EMC8: variants seen among roughly 807,000 people sequenced by gnomAD.
The protein encoded by EMC8 is ER membrane protein complex subunit 8, also known as COX4 neighbor.
Under a neutral mutation model 24.3 loss-of-function variants are expected in EMC8, and 11 were observed. The ratio of observed to expected loss-of-function variants is 0.45; its 90% confidence interval spans 0.28 to 0.75. EMC8 has a LOEUF of 0.75. Among genes scored for constraint, EMC8 ranks in the 30% least tolerant of loss-of-function variants. The pLI is 0.12. For missense variants in EMC8, 277 were observed against 282.7 expected (o/e 0.98, Z 0.14); for synonymous variants, 145 against 117.7 (o/e 1.23, Z -1.50).
chr16:85,779,705 T>C lies in EMC8; in HGVS notation c.*3A>G. The C allele has an allele frequency of 6.2e-7, 1 of 1,613,930 alleles. No individual in the cohort carries two copies. Among genetic ancestry groups the C allele is most frequent in the Non-Finnish European group, 8.5e-7 (1 of 1,179,762 alleles). ...CCCGGAGCCCAGTCACAGCGGTGCC[T>C]GCCTAGCACAAGTGTAGGACAGCTT... On this transcript the variant is annotated 3_prime_UTR_variant, in exon 5 of 5. Transcript: ENST00000253457.
At chr16:85,797,377 C>T (rs565037314) in intron 1 of EMC8, among the ~76,000 whole-genome samples, 18 of 152,244 alleles carry the variant, frequency 1.2e-4, no homozygotes, top group African/African-American at 3.1e-4. Context: ...CATTGCACTC[C>T]AGGCTGGGTG....
chr16:85,779,268 G>C lies in EMC8; in HGVS notation c.*440C>G. The C allele has an allele frequency of 6.1e-6, 1 of 164,744 alleles. No individual in the cohort carries two copies. Among genetic ancestry groups the C allele is most frequent in the Admixed American group, 5.7e-5 (1 of 17,590 alleles). 10.2% of individuals were successfully genotyped at this position (164,744 alleles called of 1,614,324 possible). A position where few individuals can be genotyped will look rare whatever the true frequency, so the allele number is the denominator to read the frequency against. The stretch of plus-strand genomic sequence containing the variant: ...GTCTACCCTGATCCCAGGACGCCTG[G>C]ACGACATCAAAATTCAAACAGGATA... On this transcript the variant is annotated 3_prime_UTR_variant, in exon 5 of 5. Coordinates refer to ENST00000253457, the MANE Select transcript of EMC8 (RefSeq NM_006067.5).
At chr16:85,796,612 C>G (rs746459799) in intron 1 of EMC8, among the ~76,000 whole-genome samples, 2 of 152,234 alleles carry the variant, frequency 1.3e-5, no homozygotes, top group Non-Finnish European at 2.9e-5. Flanking sequence ...CCACTCAACT[C>G]TCTCTGCCCG....
At chr16:85,789,381 G>A (rs1348741998) in intron 1 of EMC8, among the ~76,000 whole-genome samples, 1 of 152,142 alleles carries the variant, frequency 6.6e-6, no homozygotes, top group Non-Finnish European at 1.5e-5. Context: ...CTTTAGAAAT[G>A]CTTAAAATTA....
At chr16:85,786,962 C>A (rs1202240906) in intron 2 of EMC8, among the ~76,000 whole-genome samples, 1 of 152,196 alleles carries the variant, frequency 6.6e-6, no homozygotes, top group Non-Finnish European at 1.5e-5. Flanking sequence ...CCCCTGCCCT[C>A]ATCTGACAAC....
rs1244414663 is a variant in EMC8, at chr16:85,778,678, A to T, written c.*1030T>A. On this transcript the variant is annotated 3_prime_UTR_variant, in exon 5 of 5. Coordinates refer to ENST00000253457, the MANE Select transcript of EMC8 (RefSeq NM_006067.5). ...GTAGCGATGTCTGAACTTTTTTCCT[A>T]TGTGTTAAGAGAAAATAGTGACCGC... 1 of 152,194 alleles carries T rather than the reference A, an allele frequency of 6.6e-6. No individual in the cohort carries two copies. 9.4% of individuals were successfully genotyped at this position (152,194 alleles called of 1,614,324 possible).
intron 1 of EMC8, among the ~76,000 whole-genome samples, chr16:85,790,582 G>C (rs1287460310): frequency 6.6e-6 from 1 of 152,022 alleles, no homozygotes; most frequent in Non-Finnish European, 1.5e-5. Context: ...ACTATCAAAG[G>C]GGCTTGCTCT....
chr16:85,780,537 C>G (rs1904441674), intron 3 of EMC8, 64 bp from the exon 4 acceptor site: 1 of 1,170,296 alleles, frequency 8.5e-7, no homozygotes, highest in Non-Finnish European at 1.3e-6. Context: ...CGGCAGGCGC[C>G]TCCTCGGGGC....
chr16:85,788,726 TTG>T (rs1210500221), intron 2 of EMC8, among the ~76,000 whole-genome samples: 1 of 152,224 alleles, frequency 6.6e-6, no homozygotes, highest in Non-Finnish European at 1.5e-5. Flanking sequence ...GTCGCTTTCA[TTG>T]TATGAATTCC....
Position 85,781,272 on chromosome 16 carries a change from T to G in EMC8, c.317A>C (p.Gln106Pro). The G allele has an allele frequency of 6.5e-7, 1 of 1,544,932 alleles. No individual in the cohort carries two copies. Among genetic ancestry groups the G allele is most frequent in the African/African-American group, 1.9e-5 (1 of 53,992 alleles). Residue 106 changes from glutamine to proline, a missense_variant, in exon 3 of 5, where the codon CAG becomes CCG. Transcript: ENST00000253457. Reference sequence around the variant, plus strand: ...TCTGGAGGCCACCTTCTCTGCAACCTGGTTTGGACTGTCAAAGAAATAGGC... The same window carrying G: ...TCTGGAGGCCACCTTCTCTGCAACCGGGTTTGGACTGTCAAAGAAATAGGC... The part of the protein sequence containing the change: ...NERVKDASPN[Q>P]VAEKVASRIA...
intron 2 of EMC8, among the ~76,000 whole-genome samples, chr16:85,786,532 G>C (rs1904761537): frequency 6.6e-6 from 1 of 152,192 alleles, no homozygotes; most frequent in Non-Finnish European, 1.5e-5. Context: ...ACCTACCTGA[G>C]GTGTCCTCCT....
chr16:85,787,103 T>A (rs1169011620), intron 2 of EMC8, among the ~76,000 whole-genome samples: 1 of 152,142 alleles, frequency 6.6e-6, no homozygotes, highest in African/African-American at 2.4e-5. Context: ...TTCAAAATGC[T>A]TCTGAGCACA....
chr16:85,796,847 G>C (rs1363448035), intron 1 of EMC8, among the ~76,000 whole-genome samples: 2 of 152,158 alleles, frequency 1.3e-5, no homozygotes, highest in East Asian at 1.9e-4. Context: ...GACTTCTCTC[G>C]AATCCCTTGC....
chr16:85,784,970 T>A (rs916721358), intron 2 of EMC8: 1 of 152,214 alleles, frequency 6.6e-6, no homozygotes, highest in Non-Finnish European at 1.5e-5. Flanking sequence ...ATTTTTGAGA[T>A]GGGGTCTTGC....
chr16:85,790,821 G>C lies in EMC8; in HGVS notation c.232-1771C>G, dbSNP rs148941578. ...CCTTGTGACAAGTTACACATACTTA[G>C]TGGCTTAAAACAACACTTTTTTTTT... is the stretch of plus-strand genomic sequence containing the variant. On this transcript the variant is annotated intron_variant, in intron 1 of 4. Coordinates refer to ENST00000253457, the MANE Select transcript of EMC8 (RefSeq NM_006067.5). Among the ~76,000 whole-genome samples, 403 of 152,168 alleles carry C rather than the reference G, an allele frequency of 2.6e-3. 2 individuals are homozygous for C. The highest frequency in any genetic ancestry group is 8.6e-3 in the African/African-American group (358 of 41,484).
intron 1 of EMC8, among the ~76,000 whole-genome samples, chr16:85,796,665 C>G (rs1483993666): frequency 1.3e-5 from 2 of 152,136 alleles, no homozygotes; most frequent in African/African-American, 4.8e-5. Context: ...CCAAACTCCC[C>G]CACTCGCTCT....
chr16:85,790,512 C>G (rs1904954709), intron 1 of EMC8, among the ~76,000 whole-genome samples: 1 of 152,312 alleles, frequency 6.6e-6, no homozygotes, highest in South Asian at 2.1e-4. Context: ...TTTCTATCAC[C>G]TCTTAATGGA....
chr16:85,795,197 G>C (rs1388828643), intron 1 of EMC8, among the ~76,000 whole-genome samples: 2 of 151,162 alleles, frequency 1.3e-5, no homozygotes, highest in Non-Finnish European at 2.9e-5. Flanking sequence ...AGCAACATCT[G>C]ACATTCCAAA....
chr16:85,784,774 A>C (rs576197671), intron 2 of EMC8: 4 of 152,332 alleles, frequency 2.6e-5, no homozygotes, highest in African/African-American at 9.6e-5. Flanking sequence ...TTTGCTGAGG[A>C]ACTTGGAAAG....
Sources: gnomAD v4.1 joint callset for allele counts (sites outside exome capture counted in the v4.1 genomes callset) on GRCh38, gnomAD v4.1.1 for gene constraint, MANE v1.5 for transcripts, NCBI Gene and HGNC (gene_info 2026-07-23, HGNC 2026-07-21) for gene names.